Variants in KDM1B observed in about 807,000 individuals in gnomAD.
KDM1B encodes the protein lysine demethylase 1B, also known as lysine-specific histone demethylase 2.
In KDM1B, 63 loss-of-function variants were observed where a neutral mutation model predicts 107.4. The ratio of observed to expected loss-of-function variants is 0.59; its 90% CI spans 0.48 to 0.72. KDM1B has a LOEUF of 0.72. KDM1B is among the 30% of genes least tolerant of loss of function. The pLI is 0.00. For missense variants in KDM1B, 749 were observed against 1,020.8 expected, an observed-to-expected ratio of 0.73 and a Z score of 3.63; for synonymous variants, 363 against 363.9, an observed-to-expected ratio of 1.00 and a Z score of 0.03.
chr6:18,199,008 GAAA>G (rs70974711), intron 12 of KDM1B, among the ~76,000 whole-genome samples: 5 of 74,696 alleles, frequency 6.7e-5, no homozygotes, highest in East Asian at 9.4e-4. Context: ...GTCTCTACCA[GAAA>G]AAAAAAAAAA....
chr6:18,185,194 T>C (rs1460065560), intron 7 of KDM1B, among the ~76,000 whole-genome samples: 2 of 152,238 alleles, frequency 1.3e-5, no homozygotes, highest in African/African-American at 4.8e-5. Flanking sequence ...CAAATGATTG[T>C]GCATTTTAAA....
chr6:18,188,150 C>T (rs937736848), intron 9 of KDM1B, 148 bp downstream of exon 9: 8 of 716,780 alleles, frequency 1.1e-5, no homozygotes, highest in African/African-American at 8.8e-5. Context: ...TTTGGGTGGC[C>T]GAGGCAGGAG....
At chr6:18,178,269 A>G (rs1219535851) in intron 7 of KDM1B, among the ~76,000 whole-genome samples, 1 of 151,596 alleles carries the variant, frequency 6.6e-6, no homozygotes, top group African/African-American at 2.4e-5. Flanking sequence ...CATTTTTAGT[A>G]GAGATGGGGT....
intron 3 of KDM1B, among the ~76,000 whole-genome samples, chr6:18,160,918 AT>A (rs575519228): frequency 7.9e-6 from 1 of 126,176 alleles, no homozygotes; most frequent in Non-Finnish European, 1.6e-5. Context: ...TGCCTGGTTG[AT>A]TTTTTTTTAT....
At chr6:18,199,034 GAAAA>G (rs1199733625) in intron 12 of KDM1B, among the ~76,000 whole-genome samples, 10 of 109,880 alleles carry the variant, frequency 9.1e-5, no homozygotes, top group Admixed American at 6.8e-4. Context: ...AAAAAAAAAA[GAAAA>G]AAACAGAAAA....
Position 18,222,734 on chromosome 6 carries a change from T to A in KDM1B, c.*742T>A, listed in dbSNP as rs140063639. On this transcript the variant is annotated 3_prime_UTR_variant, in exon 22 of 22. Coordinates refer to ENST00000650836, the MANE Select transcript of KDM1B (RefSeq NM_001364614.2). ...GGCTTCACACTATAGACACAGAATA[T>A]AGCTTTTTCTTAAAGCCAAATTTGG... 3.3e-4 allele frequency: 51 copies of A among 152,802 alleles called. No individual in the cohort carries two copies. The highest frequency in any genetic ancestry group is 1.1e-3 in the African/African-American group (46 of 41,568). The allele number at this position is 152,802 out of a possible 1,614,324, so 9.5% of individuals were successfully genotyped here.
In KDM1B at chr6:18,212,938, A is replaced by T. The variant is rs1788959611; in HGVS notation, c.1983+334A>T. ...CACTCATTGGCCCCAGTGAGGACAG[A>T]GGTTTATTTCTCCTGCCTTTAATAT... On this transcript the variant is annotated intron_variant, in intron 18 of 21. Coordinates refer to ENST00000650836, the MANE Select transcript of KDM1B (RefSeq NM_001364614.2). The surrounding 1 kb of genome is among the most constrained non-coding windows in gnomAD (Gnocchi z 5.2). Among the ~76,000 whole-genome samples, 1 of 152,028 alleles carries T rather than the reference A, an allele frequency of 6.6e-6. No individual in the cohort carries two copies. The highest frequency in any genetic ancestry group is 6.6e-5 in the Admixed American group (1 of 15,248).
intron 7 of KDM1B, among the ~76,000 whole-genome samples, chr6:18,177,259 G>A (rs926058444): frequency 2.0e-5 from 3 of 152,102 alleles, no homozygotes; most frequent in African/African-American, 4.8e-5. Context: ...GCGTAAAAGT[G>A]TTAGTAGTAG....
Position 18,197,607 on chromosome 6 carries a change from G to T in KDM1B, c.1167G>T (p.Gly389=), listed in dbSNP as rs777709887. 5.0e-6 allele frequency: 8 copies of T among 1,613,798 alleles called. No homozygotes were observed. Among genetic ancestry groups the T allele is most frequent in the Non-Finnish European group, 6.8e-6 (8 of 1,179,796 alleles). Residue 389 remains glycine (G), a synonymous_variant, in exon 12 of 22, where the codon GGG becomes GGT. Coordinates refer to ENST00000650836, the MANE Select transcript of KDM1B (RefSeq NM_001364614.2). This position sits in a 1 kb window ranked among gnomAD's most constrained non-coding sequence, Gnocchi z 4.5. ...DYHNKSVIII[G]AGPAGLAAAR... is the part of the protein sequence containing the mutation. ...TTAAGAAATCAGTCATCATTATCGG[G>T]GCTGGTCCAGCAGGATTAGCAGCTG...
Position 18,201,445 on chromosome 6 carries a change from C to T in KDM1B, c.1360-41C>T, listed in dbSNP as rs188654902. Reference sequence around the variant, plus strand: ...GCTTAGAACCTGTAAATATTTTTTTCCAGGGAAAATTTTCACCTTCTTATT... The same window carrying T: ...GCTTAGAACCTGTAAATATTTTTTTTCAGGGAAAATTTTCACCTTCTTATT... On this transcript the variant is annotated intron_variant, in intron 13 of 21. Coordinates refer to ENST00000650836, the MANE Select transcript of KDM1B (RefSeq NM_001364614.2). The surrounding 1 kb of genome is among the most constrained non-coding windows in gnomAD (Gnocchi z 4.3). 5.2e-3 allele frequency: 7,516 copies of T among 1,442,384 alleles called. 29 individuals are homozygous for T. Among genetic ancestry groups the T allele is most frequent in the Middle Eastern group, 6.8e-3 (37 of 5,440 alleles). 89.3% of individuals were successfully genotyped at this position (1,442,384 alleles called of 1,614,324 possible). A position where few individuals can be genotyped will look rare whatever the true frequency, so the allele number is the denominator to read the frequency against.
At chr6:18,199,930 G>C in intron 12 of KDM1B, among the ~76,000 whole-genome samples, 1 of 152,096 alleles carries the variant, frequency 6.6e-6, no homozygotes. Flanking sequence ...CCAGGCTGGA[G>C]TGCAGTGGCA....
intron 7 of KDM1B, among the ~76,000 whole-genome samples, chr6:18,183,609 G>C (rs1253775999): frequency 6.6e-6 from 1 of 151,946 alleles, no homozygotes; most frequent in Non-Finnish European, 1.5e-5. Context: ...GGGTTAATAC[G>C]TATTTCTGAA....
rs1298928902 is a variant in KDM1B at position 18,208,216 on chromosome 6, A to AG, written c.1866+13dup. The AG allele has an allele frequency of 6.2e-6, 10 of 1,606,282 alleles. No individual in the cohort carries two copies. Among genetic ancestry groups the AG allele is most frequent in the South Asian group, 1.1e-5 (1 of 90,594 alleles). ...GTATTCTGCACAAAAGGTAAGAGCT[A>AG]GGGCAGTACAAGGGTGGGTAGAAAC... On this transcript the variant is annotated intron_variant, in intron 17 of 21. Coordinates refer to ENST00000650836, the MANE Select transcript of KDM1B (RefSeq NM_001364614.2).
rs73724918 is a variant in KDM1B at position 18,197,422 on chromosome 6, G to A, written c.1147-165G>A. Among the ~76,000 whole-genome samples, 6,575 of 152,300 alleles carry A rather than the reference G, an allele frequency of 0.043. 467 individuals are homozygous for A. The highest frequency in any genetic ancestry group is 0.15 in the African/African-American group (6,104 of 41,538). On this transcript the variant is annotated intron_variant, in intron 11 of 21. Transcript: ENST00000650836. This position sits in a 1 kb window ranked among gnomAD's most constrained non-coding sequence, Gnocchi z 4.5. ...TTTCCCCAGATTGTAGGGAAAAAGG[G>A]AAGGGAGTAATAAGACAAGTGCCAC...
rs919285180 is a variant in KDM1B at position 18,223,675 on chromosome 6, G to C, written c.*1683G>C. 2.0e-5 allele frequency: 3 copies of C among 152,028 alleles called. No individual in the cohort carries two copies. Among genetic ancestry groups the C allele is most frequent in the Non-Finnish European group, 4.4e-5 (3 of 68,000 alleles). 9.4% of individuals were successfully genotyped at this position (152,028 alleles called of 1,614,324 possible). Reference sequence around the variant, plus strand: ...TCCTATCAAGTGACATACTTCATTTGATTTTTTGTTTAAGAAGCCATGGTA... The same window carrying C: ...TCCTATCAAGTGACATACTTCATTTCATTTTTTGTTTAAGAAGCCATGGTA... On this transcript the variant is annotated 3_prime_UTR_variant, in exon 22 of 22. Coordinates refer to ENST00000650836, the MANE Select transcript of KDM1B (RefSeq NM_001364614.2).
chr6:18,165,740 T>C (rs1785255035), intron 5 of KDM1B, among the ~76,000 whole-genome samples: 1 of 152,192 alleles, frequency 6.6e-6, no homozygotes, highest in Non-Finnish European at 1.5e-5. Flanking sequence ...AAGAATCCCT[T>C]GAACCCAGGA....
rs1257990999 is a variant in KDM1B at position 18,205,873 on chromosome 6, TC to T, written c.1659+212del. Among the ~76,000 whole-genome samples the T allele has an allele frequency of 2.0e-5, 3 of 152,074 alleles. No individual in the cohort carries two copies. Among genetic ancestry groups the T allele is most frequent in the African/African-American group, 7.2e-5 (3 of 41,412 alleles). Reference sequence around the variant, plus strand: ...CAGGCCTGGTGGCGCATACCTGTAGTCCCAGCTACTCGGGAGGCTGAGGCAG... The same window carrying T: ...CAGGCCTGGTGGCGCATACCTGTAGTCCAGCTACTCGGGAGGCTGAGGCAG... On this transcript the variant is annotated intron_variant, in intron 15 of 21. Transcript: ENST00000650836. This position sits in a 1 kb window ranked among gnomAD's most constrained non-coding sequence, Gnocchi z 5.7.
intron 8 of KDM1B, among the ~76,000 whole-genome samples, chr6:18,187,007 T>A (rs1025252228): frequency 7.1e-6 from 1 of 140,324 alleles, no homozygotes; most frequent in Admixed American, 7.3e-5. Flanking sequence ...CACATTTTTT[T>A]TCCAGGCTCC....
chr6:18,177,851 A>G (rs559551965), intron 7 of KDM1B, among the ~76,000 whole-genome samples: 114 of 152,224 alleles, frequency 7.5e-4, no homozygotes, highest in African/African-American at 2.5e-3. Flanking sequence ...TTTATGCTAC[A>G]ATGACAGTAT....
Sources: allele counts gnomAD v4.1 joint callset (sites outside exome capture counted in the v4.1 genomes callset), GRCh38; gene constraint gnomAD v4.1.1; non-coding constraint Gnocchi (gnomAD v3.1); transcripts MANE v1.5; gene names NCBI Gene and HGNC (gene_info 2026-07-23, HGNC 2026-07-21).